CCSER1: variants seen among roughly 807,000 people sequenced by gnomAD.
CCSER1 encodes serine-rich coiled-coil domain-containing protein 1.
Under a neutral mutation model 82.0 loss-of-function variants are expected in CCSER1, and 41 were observed. That is an observed-to-expected ratio of 0.50 (90% CI 0.39 to 0.65). CCSER1 has a LOEUF of 0.65. Ranked by LOEUF, CCSER1 falls within the 30% of genes least tolerant of loss-of-function variation. The pLI is 0.00. For missense variants in CCSER1, 1,119 were observed against 1,064.2 expected (o/e 1.05, Z -0.72); for synonymous variants, 414 against 383.9 (o/e 1.08, Z -0.92).
At chr4:90,453,917 C>G (rs761486888) in intron 4 of CCSER1, among the ~76,000 whole-genome samples, 43 of 152,116 alleles carry the variant, frequency 2.8e-4, no homozygotes, top group Non-Finnish European at 5.7e-4. Context: ...CCCTGGGTTC[C>G]TGGAATGTAA....
At chr4:91,468,503 T>TA (rs574561884) in intron 10 of CCSER1, among the ~76,000 whole-genome samples, 1,579 of 145,666 alleles carry the variant, frequency 0.011, 13 homozygotes, top group Middle Eastern at 0.021. Flanking sequence ...AACATATAAT[T>TA]AAAAAAAAAA....
chr4:91,430,470 A>G (rs542014457), intron 10 of CCSER1, among the ~76,000 whole-genome samples: 8 of 152,372 alleles, frequency 5.3e-5, no homozygotes, highest in African/African-American at 1.9e-4. Flanking sequence ...ACAATGCACC[A>G]GTATGCACAT....
chr4:91,346,164 T>G (rs56674505), intron 10 of CCSER1, among the ~76,000 whole-genome samples: 13,014 of 151,548 alleles, frequency 0.086, 1,876 homozygotes, highest in African/African-American at 0.3. Context: ...CTACAGGCGC[T>G]CACCACCACA....
chr4:90,313,191 G>A (rs1735612003), intron 3 of CCSER1, 144 bp downstream of exon 3: 2 of 697,052 alleles, frequency 2.9e-6, no homozygotes, highest in Admixed American at 5.6e-5. Context: ...GACATTACAA[G>A]TCAGAGAAAC....
chr4:91,321,158 C>T (rs573445688), intron 10 of CCSER1, among the ~76,000 whole-genome samples: 6 of 152,100 alleles, frequency 3.9e-5, no homozygotes, highest in East Asian at 1.9e-4. Context: ...ATTCTTATTC[C>T]GTAAGTGTTT....
At chr4:90,397,873 T>A (rs1357462770) in intron 3 of CCSER1, among the ~76,000 whole-genome samples, 4 of 152,206 alleles carry the variant, frequency 2.6e-5, no homozygotes, top group Non-Finnish European at 5.9e-5. Flanking sequence ...TAATAAAAAA[T>A]GGTAGTTATG....
At chr4:90,243,309 G>C (rs1274930578) in intron 1 of CCSER1, among the ~76,000 whole-genome samples, 2 of 151,564 alleles carry the variant, frequency 1.3e-5, no homozygotes, top group African/African-American at 4.9e-5. Flanking sequence ...AATGCAGTGG[G>C]ACAATCTAGA....
At chr4:90,128,066 G>C (rs1722111022) in intron 1 of CCSER1, among the ~76,000 whole-genome samples, 1 of 152,046 alleles carries the variant, frequency 6.6e-6, no homozygotes, top group Non-Finnish European at 1.5e-5. Flanking sequence ...GCGACTCCCA[G>C]TGCGCCGCGT....
chr4:91,098,752 A>G (rs1330554543), intron 10 of CCSER1, among the ~76,000 whole-genome samples: 1 of 152,092 alleles, frequency 6.6e-6, no homozygotes, highest in Non-Finnish European at 1.5e-5. Flanking sequence ...CATGTTAGCC[A>G]GGGTGGTCTG....
chr4:90,160,329 T>C (rs1246938952), intron 1 of CCSER1, among the ~76,000 whole-genome samples: 1 of 152,178 alleles, frequency 6.6e-6, no homozygotes, highest in Non-Finnish European at 1.5e-5. Context: ...AAGTTGGGAA[T>C]TGAAATCACG....
chr4:91,226,609 TTTG>T (rs1738224874), intron 10 of CCSER1, among the ~76,000 whole-genome samples: 1 of 151,904 alleles, frequency 6.6e-6, no homozygotes, highest in Non-Finnish European at 1.5e-5. Flanking sequence ...GCTAAATAAT[TTTG>T]TAGTGATTAA....
At chr4:91,180,301 ACT>A (rs968409670) in intron 10 of CCSER1, among the ~76,000 whole-genome samples, 8 of 152,100 alleles carry the variant, frequency 5.3e-5, no homozygotes, top group Admixed American at 1.3e-4. Flanking sequence ...CAGATTTCAG[ACT>A]CTGTGCTAGG....
chr4:91,008,388 T>G (rs1039677130), intron 9 of CCSER1, among the ~76,000 whole-genome samples: 8 of 152,216 alleles, frequency 5.3e-5, no homozygotes, highest in Non-Finnish European at 1.0e-4. Flanking sequence ...GCTTCAATGT[T>G]GAGAGCATAT....
Position 91,432,664 on chromosome 4 carries a change from C to A in CCSER1, c.2218-165908C>A, listed in dbSNP as rs58385938. On this transcript the variant is annotated intron_variant, in intron 10 of 10. Coordinates refer to ENST00000509176, the MANE Select transcript of CCSER1 (RefSeq NM_001145065.2). ...AATGAAATTGAGCTTATTTTATAATCATAAAAGGGACATATATTCCTTTAT... is the reference window on the plus strand; with the variant it reads ...AATGAAATTGAGCTTATTTTATAATAATAAAAGGGACATATATTCCTTTAT... Among the ~76,000 whole-genome samples the A allele has an allele frequency of 6.9e-3, 1,050 of 152,116 alleles. 16 individuals are homozygous for A. Among genetic ancestry groups the A allele is most frequent in the African/African-American group, 0.024 (998 of 41,512 alleles).
At chr4:91,415,719 T>C (rs183069656) in intron 10 of CCSER1, among the ~76,000 whole-genome samples, 2 of 152,172 alleles carry the variant, frequency 1.3e-5, no homozygotes, top group Admixed American at 1.3e-4. Context: ...ATTTATTGCT[T>C]TGCATATGTT....
At chr4:90,159,681 C>T (rs1729063548) in intron 1 of CCSER1, among the ~76,000 whole-genome samples, 1 of 152,284 alleles carries the variant, frequency 6.6e-6, no homozygotes, top group African/African-American at 2.4e-5. Flanking sequence ...TAGTGACCTA[C>T]TCTATTTACA....
At chr4:91,466,030 G>A (rs1164019862) in intron 10 of CCSER1, among the ~76,000 whole-genome samples, 4 of 152,146 alleles carry the variant, frequency 2.6e-5, no homozygotes, top group African/African-American at 9.7e-5. Flanking sequence ...TGATACCAAA[G>A]CCTGGCAGAG....
At chr4:91,066,051 G>C (rs1561516876) in intron 9 of CCSER1, among the ~76,000 whole-genome samples, 1 of 152,000 alleles carries the variant, frequency 6.6e-6, no homozygotes, top group African/African-American at 2.4e-5. Flanking sequence ...GTAATATTTT[G>C]TATATTCCCA....
At chr4:91,177,545 T>C (rs551965731) in intron 10 of CCSER1, among the ~76,000 whole-genome samples, 1 of 152,316 alleles carries the variant, frequency 6.6e-6, no homozygotes, top group African/African-American at 2.4e-5. Context: ...GGTTTAGTCT[T>C]GGGAGGGTGT....
Sources: gnomAD v4.1 joint callset for allele counts (sites outside exome capture counted in the v4.1 genomes callset) on GRCh38, gnomAD v4.1.1 for gene constraint, MANE v1.5 for transcripts, NCBI Gene and HGNC (gene_info 2026-07-23, HGNC 2026-07-21) for gene names.